The following PREPL variants were observed in gnomAD, a reference collection of about 807,000 sequenced individuals.
The protein encoded by PREPL is prolyl endopeptidase like, also known as prolyl endopeptidase-like.
PREPL carries 77 observed loss-of-function variants against 70.6 expected under a neutral mutation model. That is an observed-to-expected ratio of 1.09 (90% confidence interval 0.91 to 1.32). The LOEUF (loss-of-function observed/expected upper bound fraction) is 1.32. Among genes scored for constraint, PREPL ranks in the 40% most tolerant of loss-of-function variants. The pLI is 0.00. For missense variants in PREPL, 1,002 were observed against 778.2 expected (o/e 1.29, Z -3.42); for synonymous variants, 315 against 264.8 (o/e 1.19, Z -1.84).
At chr2:44,325,642 C>G (rs1673419287) in intron 10 of PREPL, among the ~76,000 whole-genome samples, 1 of 152,086 alleles carries the variant, frequency 6.6e-6, no homozygotes, top group South Asian at 2.1e-4. Flanking sequence ...TGTCTTTAAA[C>G]TGTAAATAAT....
chr2:44,332,753 T>C, intron 7 of PREPL, 97 bp from the exon 8 acceptor site: 2 of 979,034 alleles, frequency 2.0e-6, no homozygotes, highest in Non-Finnish European at 3.0e-6. Context: ...GATGTGGATA[T>C]CTCGTTTACT....
intron 1 of PREPL, among the ~76,000 whole-genome samples, chr2:44,351,695 C>T (rs986736178): frequency 1.3e-5 from 2 of 152,190 alleles, no homozygotes; most frequent in Non-Finnish European, 2.9e-5. Context: ...TATTTAGAAT[C>T]TGACCACTTC....
Position 44,329,081 on chromosome 2 carries a change from T to A in PREPL, c.1118A>T (p.His373Leu), listed in dbSNP as rs763809706. 1 of 1,608,140 alleles carries A rather than the reference T, an allele frequency of 6.2e-7. No individual in the cohort carries two copies. The highest frequency in any genetic ancestry group is 8.5e-7 in the Non-Finnish European group (1 of 1,175,058). Residue 373 changes from histidine (H) to leucine (L), a missense_variant, in exon 9 of 14, where the codon CAC becomes CTC. Transcript: ENST00000409411. ...CTGCAAGTCCTCAGAGTCAGTTTTG[T>A]GGAAAACAGTCATTGGCACTAATTT... ...DGKLVPMTVFHKTDSEDLQKK... is the reference protein window; with the variant it reads ...DGKLVPMTVFLKTDSEDLQKK...
chr2:44,332,790 A>C, intron 7 of PREPL, 134 bp from the exon 8 acceptor site: 2 of 659,630 alleles, frequency 3.0e-6, no homozygotes, highest in Non-Finnish European at 5.0e-6. Flanking sequence ...TGCCTCATTC[A>C]AGGATTACTT....
chr2:44,344,460 T>C (rs2103993985), intron 3 of PREPL, 60 bp downstream of exon 3: 2 of 1,199,696 alleles, frequency 1.7e-6, no homozygotes, highest in Non-Finnish European at 1.2e-6. Flanking sequence ...TTAATAAATT[T>C]CCTATAAAAA....
At chr2:44,359,067 CTTTTTT>C (rs35700374) in intron 1 of PREPL, among the ~76,000 whole-genome samples, 3 of 94,494 alleles carry the variant, frequency 3.2e-5, no homozygotes, top group Non-Finnish European at 6.4e-5. Context: ...TATGTATACA[CTTTTTT>C]TTTTTTTTTT....
At chr2:44,348,575 C>A (rs1234897676) in intron 1 of PREPL, among the ~76,000 whole-genome samples, 1 of 152,174 alleles carries the variant, frequency 6.6e-6, no homozygotes. Flanking sequence ...TCATAGCCAA[C>A]ACAGAGCCAA....
chr2:44,350,828 T>A (rs143298449), intron 1 of PREPL, among the ~76,000 whole-genome samples: 2 of 152,344 alleles, frequency 1.3e-5, no homozygotes, highest in Non-Finnish European at 2.9e-5. Context: ...AGGATCATGA[T>A]ACAATTGATC....
At chr2:44,359,601 T>A in intron 1 of PREPL, 2 of 1,611,478 alleles carry the variant, frequency 1.2e-6, no homozygotes, top group Non-Finnish European at 1.7e-6. Flanking sequence ...TTTATTCTAT[T>A]GTAACAATGA....
At chr2:44,340,214 A>G (rs904006353) in intron 5 of PREPL, among the ~76,000 whole-genome samples, 1 of 152,100 alleles carries the variant, frequency 6.6e-6, no homozygotes, top group African/African-American at 2.4e-5. Context: ...GTTTCATTAT[A>G]ATAAACAATA....
chr2:44,323,887 C>T (rs1014574349), intron 10 of PREPL, among the ~76,000 whole-genome samples: 4 of 152,174 alleles, frequency 2.6e-5, no homozygotes, highest in African/African-American at 9.6e-5. Context: ...AAGAGTTAAG[C>T]TTAAGATTAC....
chr2:44,334,127 A>G lies in PREPL; in HGVS notation c.889-1471T>C, dbSNP rs199661990. 7.2e-5 allele frequency among the ~76,000 whole-genome samples: 11 copies of G among 152,350 alleles called. No homozygotes were observed. The East Asian group carries it at 1.3e-3, about 19-fold the overall frequency. On this transcript the variant is annotated intron_variant, in intron 7 of 13. Coordinates refer to ENST00000409411, the MANE Select transcript of PREPL (RefSeq NM_001171613.2). Reference sequence around the variant, plus strand: ...AGAAGTTCATCCAGCTAATGCAGATATAAGTATTAACTAACTCAAGGATAT... The same window carrying G: ...AGAAGTTCATCCAGCTAATGCAGATGTAAGTATTAACTAACTCAAGGATAT...
intron 8 of PREPL, among the ~76,000 whole-genome samples, chr2:44,332,132 G>C (rs1282326954): frequency 6.6e-6 from 1 of 151,918 alleles, no homozygotes; most frequent in Non-Finnish European, 1.5e-5. Context: ...ATTTTTAGTA[G>C]AGATGGGGTT....
chr2:44,334,495 A>C (rs1294897218), intron 7 of PREPL, among the ~76,000 whole-genome samples: 1 of 152,210 alleles, frequency 6.6e-6, no homozygotes, highest in African/African-American at 2.4e-5. Context: ...ATGGTGACCA[A>C]GGATACGAGG....
intron 12 of PREPL, 137 bp from the exon 13 acceptor site, chr2:44,322,037 T>C: frequency 2.4e-6 from 2 of 846,096 alleles, no homozygotes; most frequent in Non-Finnish European, 3.5e-6. Context: ...ACCACCATCA[T>C]CAACAAAAAG....
At chr2:44,352,119 A>G (rs1471216330) in intron 1 of PREPL, among the ~76,000 whole-genome samples, 2 of 152,198 alleles carry the variant, frequency 1.3e-5, no homozygotes, top group Non-Finnish European at 2.9e-5. Flanking sequence ...TCATCTTCTA[A>G]GTTAGGCCTT....
rs1672817454 is a variant in PREPL, at chr2:44,320,306, T to C, written c.*1050A>G. 3.1e-6 allele frequency: 5 copies of C among 1,614,130 alleles called. No individual in the cohort carries two copies. The highest frequency in any genetic ancestry group is 4.2e-6 in the Non-Finnish European group (5 of 1,179,972). On this transcript the variant is annotated 3_prime_UTR_variant, in exon 14 of 14. Transcript: ENST00000409411. ...GGGGCTGGTTTTGCCATTTGAGGAATGACAGCCACTATGTTGTGTACACAA... is the reference window on the plus strand; with the variant it reads ...GGGGCTGGTTTTGCCATTTGAGGAACGACAGCCACTATGTTGTGTACACAA...
rs1673849898 is a variant in PREPL at position 44,329,244 on chromosome 2, TAAGAAA to T, written c.1087-138_1087-133del. 2.0e-5 allele frequency: 14 copies of T among 692,990 alleles called. No individual in the cohort carries two copies. In the South Asian group the frequency reaches 3.6e-4, roughly 18 times the overall value. The allele number at this position is 692,990 out of a possible 1,614,324, so 42.9% of individuals were successfully genotyped here. On this transcript the variant is annotated intron_variant, in intron 8 of 13. Coordinates refer to ENST00000409411, the MANE Select transcript of PREPL (RefSeq NM_001171613.2). Reference sequence around the variant, plus strand: ...TACTGATGTTGAGCACAAATTTGTTTAAGAAAAAGAATTATGGTCTCTAAAAATAAA... The same window carrying T: ...TACTGATGTTGAGCACAAATTTGTTTAAGAATTATGGTCTCTAAAAATAAA...
rs1477915343 is a variant in PREPL at position 44,317,743 on chromosome 2, A to G, written c.*3613T>C. Reference sequence around the variant, plus strand: ...GAATACTAGAAGAAAAAAATTATACAGTCAATCCAACAAAAAGCTTAATAG... The same window carrying G: ...GAATACTAGAAGAAAAAAATTATACGGTCAATCCAACAAAAAGCTTAATAG... On this transcript the variant is annotated 3_prime_UTR_variant, in exon 14 of 14. Transcript: ENST00000409411. 6.6e-6 allele frequency: 1 copy of G among 152,426 alleles called. No homozygotes were observed. The highest frequency in any genetic ancestry group is 1.5e-5 in the Non-Finnish European group (1 of 68,222). 9.4% of individuals were successfully genotyped at this position (152,426 alleles called of 1,614,324 possible). A position where few individuals can be genotyped will look rare whatever the true frequency, so the allele number is the denominator to read the frequency against.
Sources: gnomAD v4.1 joint callset for allele counts (sites outside exome capture counted in the v4.1 genomes callset) on GRCh38, gnomAD v4.1.1 for gene constraint, MANE v1.5 for transcripts, NCBI Gene and HGNC (gene_info 2026-07-23, HGNC 2026-07-21) for gene names.